LRP1B: variants seen among roughly 807,000 people sequenced by gnomAD.
LRP1B encodes the protein LDL receptor related protein 1B, also known as low-density lipoprotein receptor-related protein 1B.
Under a neutral mutation model 556.6 loss-of-function variants are expected in LRP1B, and 217 were observed. The observed-to-expected ratio is 0.39, with a 90% CI of 0.35 to 0.44. The LOEUF (loss-of-function observed/expected upper bound fraction) is 0.44, where lower values mean the gene tolerates loss of function less well. LRP1B is among the 20% of genes least tolerant of loss of function. The pLI, the probability that LRP1B is intolerant of heterozygous loss-of-function variation, is 1.00. For missense variants in LRP1B, 5,053 were observed against 5,620.8 expected, an observed-to-expected ratio of 0.90 and a Z score of 3.23; for synonymous variants, 2,047 against 1,865.8, an observed-to-expected ratio of 1.10 and a Z score of -2.50.
At chr2:142,045,091 C>T (rs1704206744) in intron 1 of LRP1B, among the ~76,000 whole-genome samples, 2 of 150,474 alleles carry the variant, frequency 1.3e-5, no homozygotes, top group Admixed American at 6.6e-5. Context: ...GAATACTGAC[C>T]TTCTGTAAAT....
At chr2:140,471,229 G>A (rs1022407369) in intron 60 of LRP1B, among the ~76,000 whole-genome samples, 2 of 151,672 alleles carry the variant, frequency 1.3e-5, no homozygotes, top group East Asian at 2.0e-4. Context: ...ACTTATTTGC[G>A]AACTTTATTC....
chr2:140,640,995 A>G (rs561349074), intron 41 of LRP1B, among the ~76,000 whole-genome samples: 395 of 152,350 alleles, frequency 2.6e-3, no homozygotes, highest in Non-Finnish European at 4.5e-3. Flanking sequence ...TTGTTAATAC[A>G]ATATACAGTC....
chr2:141,595,770 G>A (rs1687493432), intron 2 of LRP1B, among the ~76,000 whole-genome samples: 1 of 152,006 alleles, frequency 6.6e-6, no homozygotes, highest in Admixed American at 6.6e-5. Context: ...CCATGAAAAT[G>A]TTATTTAAAT....
intron 20 of LRP1B, among the ~76,000 whole-genome samples, chr2:140,931,206 T>C (rs1355042107): frequency 6.6e-6 from 1 of 152,162 alleles, no homozygotes. Flanking sequence ...TCTTTCTTCT[T>C]AAATCAACTA....
chr2:140,561,459 T>C (rs1421420073), intron 43 of LRP1B, among the ~76,000 whole-genome samples: 1 of 152,196 alleles, frequency 6.6e-6, no homozygotes, highest in Non-Finnish European at 1.5e-5. Context: ...CTTGTGTCTT[T>C]GGGTATTCAT....
At chr2:140,470,802 G>C (rs1191085831) in intron 60 of LRP1B, among the ~76,000 whole-genome samples, 1 of 152,024 alleles carries the variant, frequency 6.6e-6, no homozygotes, top group Non-Finnish European at 1.5e-5. Context: ...GAGGTCCAGG[G>C]AATTTAACTA....
At chr2:142,115,436 A>G (rs1490864811) in intron 1 of LRP1B, among the ~76,000 whole-genome samples, 1 of 130,246 alleles carries the variant, frequency 7.7e-6, no homozygotes, top group Admixed American at 9.8e-5. Flanking sequence ...AAAATAAAAT[A>G]AAATATCTGT....
chr2:141,406,685 C>T lies in LRP1B; in HGVS notation c.343+73711G>A, dbSNP rs553628510. ...ATAAGTAGCAAAAATTAGTTGCAGT[C>T]GTGTCAGGCATGTTGTATTAAATTA... On this transcript the variant is annotated intron_variant, in intron 3 of 90. Transcript: ENST00000389484. Among the ~76,000 whole-genome samples the T allele has an allele frequency of 5.9e-5, 9 of 151,838 alleles. No homozygotes were observed. In the East Asian group the frequency reaches 1.2e-3, roughly 20 times the overall value.
chr2:142,106,692 T>G (rs181207167), intron 1 of LRP1B, among the ~76,000 whole-genome samples: 191 of 152,274 alleles, frequency 1.3e-3, no homozygotes, highest in Non-Finnish European at 2.0e-3. Context: ...TGGAGCAATT[T>G]AATATGAGGT....
intron 7 of LRP1B, among the ~76,000 whole-genome samples, chr2:141,073,984 AAGT>A (rs1361034880): frequency 5.9e-5 from 9 of 152,090 alleles, no homozygotes; most frequent in African/African-American, 2.2e-4. Flanking sequence ...TTAACATGAA[AAGT>A]AGATTATGTG....
At chr2:141,475,160 G>A (rs6429890) in intron 3 of LRP1B, among the ~76,000 whole-genome samples, 77,660 of 151,716 alleles carry the variant, frequency 0.51, 20,085 homozygotes, top group Non-Finnish European at 0.55. Context: ...ATCACTTTAT[G>A]TCAGGAGTTT....
rs1458585215 is a variant in LRP1B, at chr2:140,950,415, A to G, written c.2969-13T>C. The stretch of plus-strand genomic sequence containing the variant: ...CCACAGTCGTCATCTGGAAAGAAAC[A>G]TCAACATGAGGCAGTGAAATCTGAA... On this transcript the variant is annotated splice_polypyrimidine_tract_variant and intron_variant, in intron 19 of 90. Coordinates refer to ENST00000389484, the MANE Select transcript of LRP1B (RefSeq NM_018557.3). 12 of 1,586,512 alleles carry G rather than the reference A, an allele frequency of 7.6e-6. No individual in the cohort carries two copies. The South Asian group carries it at 1.3e-4, about 17-fold the overall frequency.
At chr2:140,392,403 C>G (rs1684062429) in intron 66 of LRP1B, among the ~76,000 whole-genome samples, 1 of 152,134 alleles carries the variant, frequency 6.6e-6, no homozygotes, top group Non-Finnish European at 1.5e-5. Flanking sequence ...TATCTGATTG[C>G]TTTCTCTGCC....
intron 1 of LRP1B, among the ~76,000 whole-genome samples, chr2:142,066,836 A>G (rs768774020): frequency 2.0e-5 from 3 of 151,418 alleles, no homozygotes; most frequent in Non-Finnish European, 4.4e-5. Context: ...TTTGTTCCCT[A>G]TTTCTGCTGT....
At chr2:140,506,693 A>G (rs2104906170) in intron 53 of LRP1B, 103 bp downstream of exon 53, 2 of 1,210,548 alleles carry the variant, frequency 1.7e-6, no homozygotes, top group Non-Finnish European at 2.3e-6. Flanking sequence ...TGTTGATGAC[A>G]CTAAGAAATG....
intron 2 of LRP1B, among the ~76,000 whole-genome samples, chr2:141,762,253 A>C (rs1339856943): frequency 2.0e-5 from 3 of 152,070 alleles, no homozygotes; most frequent in African/African-American, 7.2e-5. Flanking sequence ...TTCAATAAGC[A>C]AAGACCATAG....
intron 3 of LRP1B, among the ~76,000 whole-genome samples, chr2:141,422,797 C>G (rs946422915): frequency 2.6e-5 from 4 of 152,080 alleles, no homozygotes; most frequent in Non-Finnish European, 5.9e-5. Flanking sequence ...TCTCAGTATG[C>G]CAAGCTATTT....
intron 18 of LRP1B, among the ~76,000 whole-genome samples, chr2:140,955,192 A>G (rs16845006): frequency 0.59 from 89,151 of 151,618 alleles, 28,095 homozygotes; most frequent in Non-Finnish European, 0.69. Flanking sequence ...GGGTTTTCAC[A>G]GCATTATAAT....
In LRP1B at chr2:141,480,655, G is replaced by A. The variant is rs879069218; in HGVS notation, c.206-122C>T. ...AAACTATAGAAAATACTGTAAGAGT[G>A]CTGCTCTTGTTCTCAGAGACATTGA... On this transcript the variant is annotated intron_variant, in intron 2 of 90. Coordinates refer to ENST00000389484, the MANE Select transcript of LRP1B (RefSeq NM_018557.3). 1.2e-5 allele frequency: 11 copies of A among 953,460 alleles called. No homozygotes were observed. The Admixed American group carries it at 1.5e-4, about 13-fold the overall frequency. The allele number at this position is 953,460 out of a possible 1,614,324, so 59.1% of individuals were successfully genotyped here.
Sources: gnomAD v4.1 joint callset for allele counts (sites outside exome capture counted in the v4.1 genomes callset) on GRCh38, gnomAD v4.1.1 for gene constraint, MANE v1.5 for transcripts, NCBI Gene and HGNC (gene_info 2026-07-23, HGNC 2026-07-21) for gene names.